The following CASK variants were observed in gnomAD, a reference collection of about 807,000 sequenced individuals.
The protein encoded by CASK is calcium/calmodulin dependent serine protein kinase.
Under a neutral mutation model 82.9 loss-of-function variants are expected in CASK, and 4 were observed. That is an observed-to-expected ratio of 0.05 (90% CI 0.02 to 0.11). CASK has a LOEUF of 0.11. Ranked by LOEUF, CASK falls within the 10% of genes least tolerant of loss-of-function variation. CASK has a pLI of 1.00. For synonymous variants in CASK, 259 were observed against 253.5 expected (o/e 1.02, Z -0.20); for missense variants, 358 against 720.9 (o/e 0.50, Z 5.76).
At chrX:41,555,708 T>A in intron 19 of CASK, 73 bp from the exon 20 acceptor site, 1 of 735,364 alleles carries the variant, frequency 1.4e-6, no homozygotes, top group Non-Finnish European at 2.1e-6. Context: ...TTGTGTGTTC[T>A]GTTACAATAT....
intron 9 of CASK, 110 bp from the exon 10 acceptor site, chrX:41,626,813 G>A: frequency 5.6e-6 from 3 of 535,756 alleles, no homozygotes; most frequent in Non-Finnish European, 6.4e-6. Flanking sequence ...AAATATATAG[G>A]AGATGATGGC....
chrX:41,808,093 G>T (rs1024442702), intron 2 of CASK, among the ~76,000 whole-genome samples: 2 of 111,777 alleles, frequency 1.8e-5, no homozygotes, highest in African/African-American at 6.5e-5. Context: ...GACCTCAGGT[G>T]ATCCATCTGC....
intron 25 of CASK, among the ~76,000 whole-genome samples, chrX:41,524,869 C>T (rs1312079296): frequency 9.0e-6 from 1 of 111,209 alleles, no homozygotes; most frequent in Non-Finnish European, 1.9e-5. Context: ...GGAACAAAAC[C>T]CAACACATAC....
In CASK at chrX:41,534,784, C is replaced by T; in HGVS notation, c.2239G>A (p.Ala747Thr). 4 of 1,201,029 alleles carry T rather than the reference C, an allele frequency of 3.3e-6. No homozygotes were observed. Among genetic ancestry groups the T allele is most frequent in the Non-Finnish European group, 3.4e-6 (3 of 886,025 alleles). ...ATGTGTCTTCTCCCAACACCATGTG[C>T]GCCTATGTCATTTAGAAAAAAAGAA... ...FKRKTLVLLG[A>T]HGVGRRHIKN... The change falls in exon 24 of 27, where the codon GCA becomes ACA. Residue 747 changes from alanine to threonine, a missense_variant and splice_region_variant. Ala to Thr is a moderately conservative substitution (Grantham distance 58). Around this residue, in one of 5 missense-constraint regions of CASK, gnomAD observed 118 missense variants for 169.4 expected, o/e 0.70. Transcript: ENST00000378163.
intron 3 of CASK, among the ~76,000 whole-genome samples, chrX:41,773,301 G>A (rs2069280922): frequency 9.4e-6 from 1 of 106,740 alleles, no homozygotes; most frequent in Non-Finnish European, 1.9e-5. Context: ...ACTGAACCCA[G>A]GAGGTCGAGG....
rs55857120 is a variant in CASK, at chrX:41,537,818, T to TTTATTATTATTA, written c.2156-2857_2156-2846dup. 4.8e-3 allele frequency among the ~76,000 whole-genome samples: 457 copies of TTTATTATTATTA among 95,362 alleles called. 6 individuals are homozygous for TTTATTATTATTA. Among genetic ancestry groups the TTTATTATTATTA allele is most frequent in the East Asian group, 0.025 (79 of 3,186 alleles). The allele number at this position is 95,362 out of a possible 115,157, so 82.8% of individuals were successfully genotyped here. ...TTTCTAACCATGTGTGCCTATTACT[T>TTTATTATTATTA]TTATTATTATTATTATTATTATTAT... On this transcript the variant is annotated intron_variant, in intron 22 of 26. Coordinates refer to ENST00000378163, the MANE Select transcript of CASK (RefSeq NM_001367721.1).
intron 11 of CASK, among the ~76,000 whole-genome samples, chrX:41,616,729 T>A (rs2147304255): frequency 9.0e-6 from 1 of 110,631 alleles, no homozygotes. Flanking sequence ...TGCTTCAGCC[T>A]TCCAAGTAGC....
At chrX:41,763,339 C>T (rs2069040492) in intron 3 of CASK, among the ~76,000 whole-genome samples, 1 of 110,796 alleles carries the variant, frequency 9.0e-6, no homozygotes, top group Admixed American at 9.6e-5. Flanking sequence ...TCCTATGAGG[C>T]CTGGCTTCAT....
chrX:41,833,625 T>C (rs2070870561), intron 2 of CASK, among the ~76,000 whole-genome samples: 1 of 112,213 alleles, frequency 8.9e-6, no homozygotes, highest in African/African-American at 3.2e-5. Context: ...AAGGAGTGTT[T>C]TATGGTGTGT....
intron 3 of CASK, among the ~76,000 whole-genome samples, chrX:41,777,950 TA>T (rs944939806): frequency 3.6e-5 from 4 of 111,525 alleles, no homozygotes; most frequent in African/African-American, 1.3e-4. Flanking sequence ...TTATTTCTAA[TA>T]GGGAAAAACA....
intron 3 of CASK, among the ~76,000 whole-genome samples, chrX:41,786,259 A>G (rs533928782): frequency 1.8e-5 from 2 of 111,842 alleles, no homozygotes; most frequent in South Asian, 7.6e-4. Context: ...ATGTTGTTTT[A>G]AGCCATTACA....
chrX:41,901,922 G>A (rs190090158), intron 1 of CASK, among the ~76,000 whole-genome samples: 2 of 111,821 alleles, frequency 1.8e-5, no homozygotes, highest in Admixed American at 1.9e-4. Context: ...CAAGGACGCA[G>A]GCTTGGTGCC....
At chrX:41,861,825 G>A (rs762376580) in intron 1 of CASK, among the ~76,000 whole-genome samples, 12 of 97,194 alleles carry the variant, frequency 1.2e-4, no homozygotes, top group African/African-American at 4.5e-4. Flanking sequence ...TTGTATATAT[G>A]TATATATACA....
intron 9 of CASK, among the ~76,000 whole-genome samples, chrX:41,628,842 T>C (rs2066420707): frequency 8.9e-6 from 1 of 112,278 alleles, no homozygotes; most frequent in South Asian, 3.6e-4. Flanking sequence ...TTATACATGT[T>C]TCCTAAAAGC....
chrX:41,862,980 T>G (rs2071522409), intron 1 of CASK, among the ~76,000 whole-genome samples: 2 of 111,577 alleles, frequency 1.8e-5, no homozygotes, highest in African/African-American at 6.5e-5. Context: ...CCATGGAATA[T>G]CCAGGCAGAG....
At chrX:41,902,005 T>A (rs1167538823) in intron 1 of CASK, among the ~76,000 whole-genome samples, 1 of 110,952 alleles carries the variant, frequency 9.0e-6, no homozygotes, top group East Asian at 2.9e-4. Flanking sequence ...CCAGGGATGA[T>A]CCTGGAGCCC....
chrX:41,860,941 G>T (rs1334226787), intron 1 of CASK, among the ~76,000 whole-genome samples: 1 of 112,018 alleles, frequency 8.9e-6, no homozygotes, highest in Non-Finnish European at 1.9e-5. Context: ...AGCTAGCAAT[G>T]AATCTCCAAT....
intron 5 of CASK, among the ~76,000 whole-genome samples, chrX:41,719,732 G>A (rs914785527): frequency 8.1e-5 from 9 of 111,722 alleles, no homozygotes; most frequent in African/African-American, 2.9e-4. Flanking sequence ...TATCTGTCCC[G>A]ATTGGCTAGC....
At chrX:41,877,411 A>G (rs1015815555) in intron 1 of CASK, among the ~76,000 whole-genome samples, 7 of 111,631 alleles carry the variant, frequency 6.3e-5, no homozygotes, top group African/African-American at 2.0e-4. Context: ...GACAACAGCC[A>G]TTTCCACAGT....
Sources: allele counts gnomAD v4.1 joint callset (sites outside exome capture counted in the v4.1 genomes callset), GRCh38; gene constraint gnomAD v4.1.1; regional missense constraint gnomAD v4.1.1; transcripts MANE v1.5; gene names NCBI Gene and HGNC (gene_info 2026-07-23, HGNC 2026-07-21).